PCCB: variants seen among roughly 807,000 people sequenced by gnomAD.
PCCB encodes the protein propionyl-CoA carboxylase subunit beta, also known as propionyl-CoA carboxylase beta chain, mitochondrial.
PCCB carries 43 observed loss-of-function variants against 60.7 expected under a neutral mutation model. The observed-to-expected ratio is 0.71, with a 90% CI of 0.55 to 0.91. The LOEUF (loss-of-function observed/expected upper bound fraction) is 0.91, where lower values mean the gene tolerates loss of function less well. Ranked by LOEUF, PCCB falls within the 40% of genes least tolerant of loss-of-function variation. PCCB has a pLI of 0.00. For missense variants in PCCB, 766 were observed against 702.8 expected (o/e 1.09, Z -1.02); for synonymous variants, 276 against 255.9 (o/e 1.08, Z -0.75).
intron 10 of PCCB, among the ~76,000 whole-genome samples, chr3:136,322,118 A>C (rs1254267559): frequency 3.9e-5 from 6 of 152,214 alleles, no homozygotes; most frequent in Non-Finnish European, 2.9e-5. Context: ...GATGTTCTTT[A>C]TAAAGTTGAA....
intron 5 of PCCB, among the ~76,000 whole-genome samples, 188 bp downstream of exon 5, chr3:136,262,253 G>C (rs1401576901): frequency 1.3e-5 from 2 of 152,096 alleles, no homozygotes; most frequent in Non-Finnish European, 2.9e-5. Flanking sequence ...GGAAGAGAGG[G>C]TTTTCATTTT....
chr3:136,273,597 CTTTTTTTTTTTTTTT>C, intron 5 of PCCB, among the ~76,000 whole-genome samples: 1 of 45,222 alleles, frequency 2.2e-5, no homozygotes, highest in African/African-American at 8.9e-5. Context: ...TTTCTTTTTT[CTTTTTTTTTTTTTTT>C]TTTTTTTACT....
chr3:136,324,367 G>C (rs1193088342), intron 10 of PCCB, among the ~76,000 whole-genome samples: 1 of 152,162 alleles, frequency 6.6e-6, no homozygotes, highest in Non-Finnish European at 1.5e-5. Flanking sequence ...CTCCTTTGAT[G>C]CTTAGCCAAA....
chr3:136,268,087 G>GAGATATATAT (rs1553775716), intron 5 of PCCB, among the ~76,000 whole-genome samples: 2 of 93,798 alleles, frequency 2.1e-5, no homozygotes, highest in African/African-American at 9.2e-5. Context: ...TGTGTGTGTA[G>GAGATATATAT]ATATATATAT....
intron 14 of PCCB, among the ~76,000 whole-genome samples, chr3:136,329,224 T>TG (rs1935447245): frequency 6.6e-6 from 1 of 152,250 alleles, no homozygotes; most frequent in Non-Finnish European, 1.5e-5. Context: ...GTTCTTGTGC[T>TG]GGTCTTGCCT....
chr3:136,265,046 T>C (rs1285489666), intron 5 of PCCB, among the ~76,000 whole-genome samples: 2 of 151,296 alleles, frequency 1.3e-5, no homozygotes, highest in African/African-American at 2.4e-5. Flanking sequence ...ATACAAAAAT[T>C]AGGCGGGCGT....
rs756533167 is a variant in PCCB, at chr3:136,293,750, T to C, written c.655-6T>C. 4 of 1,586,024 alleles carry C rather than the reference T, an allele frequency of 2.5e-6. No individual in the cohort carries two copies. In the South Asian group the frequency reaches 4.4e-5, roughly 18 times the overall value. On this transcript the variant is annotated splice_polypyrimidine_tract_variant and splice_region_variant and intron_variant, in intron 6 of 14. Coordinates refer to ENST00000251654, the MANE Select transcript of PCCB (RefSeq NM_000532.5). ...GGTTGACTGTTCTGGAAATCTTTTATTTCAGGACACCTCCTACCTGTTCAT... is the reference window on the plus strand; with the variant it reads ...GGTTGACTGTTCTGGAAATCTTTTACTTCAGGACACCTCCTACCTGTTCAT...
chr3:136,317,595 C>G (rs1934954538), intron 10 of PCCB, among the ~76,000 whole-genome samples: 1 of 152,100 alleles, frequency 6.6e-6, no homozygotes, highest in Non-Finnish European at 1.5e-5. Context: ...TTATAGGAAA[C>G]TTACATTCTT....
intron 7 of PCCB, among the ~76,000 whole-genome samples, chr3:136,294,769 C>G (rs916875254): frequency 6.6e-6 from 1 of 151,878 alleles, no homozygotes; most frequent in Non-Finnish European, 1.5e-5. Flanking sequence ...CACATCATAC[C>G]CAGGTAATTT....
chr3:136,264,896 G>T (rs1301778934), intron 5 of PCCB, among the ~76,000 whole-genome samples: 2 of 93,816 alleles, frequency 2.1e-5, no homozygotes, highest in African/African-American at 3.2e-5. Context: ...AAAAAAAAAA[G>T]AGCTTAATGC....
intron 1 of PCCB, chr3:136,251,429 A>G: frequency 2.4e-6 from 1 of 418,584 alleles, no homozygotes. Context: ...TTCAGGCACA[A>G]CTCACAACCA....
intron 6 of PCCB, among the ~76,000 whole-genome samples, chr3:136,286,247 A>C (rs1476461152): frequency 6.6e-6 from 1 of 152,240 alleles, no homozygotes; most frequent in African/African-American, 2.4e-5. Context: ...TGATTGCTGC[A>C]TCACTAAATC....
intron 2 of PCCB, 68 bp downstream of exon 2, chr3:136,256,043 TAATA>T: frequency 6.2e-7 from 1 of 1,609,562 alleles, no homozygotes; most frequent in Non-Finnish European, 8.5e-7. Flanking sequence ...ACTAGAATAA[TAATA>T]AATCTATAAG....
chr3:136,299,541 T>A (rs1386453865), intron 8 of PCCB, among the ~76,000 whole-genome samples: 1 of 128,670 alleles, frequency 7.8e-6, no homozygotes, highest in African/African-American at 3.4e-5. Context: ...TATGCATGTG[T>A]ATAGGTATGC....
intron 1 of PCCB, among the ~76,000 whole-genome samples, chr3:136,254,474 C>A (rs1261081290): frequency 1.3e-5 from 2 of 148,596 alleles, no homozygotes; most frequent in Non-Finnish European, 3.0e-5. Flanking sequence ...CCTGCCTTGG[C>A]CTCCCAAAGT....
At chr3:136,326,258 A>C in intron 10 of PCCB, 2 of 689,070 alleles carry the variant, frequency 2.9e-6, no homozygotes, top group Non-Finnish European at 5.3e-6. Flanking sequence ...TCATAGAATT[A>C]AGTTGGAAAC....
chr3:136,293,473 A>T (rs1933792211), intron 6 of PCCB, among the ~76,000 whole-genome samples: 1 of 152,222 alleles, frequency 6.6e-6, no homozygotes, highest in Non-Finnish European at 1.5e-5. Context: ...TCTGAGTAAG[A>T]GCCACCTGTT....
chr3:136,299,736 G>A (rs1350327444), intron 8 of PCCB, among the ~76,000 whole-genome samples: 6 of 146,704 alleles, frequency 4.1e-5, no homozygotes, highest in Non-Finnish European at 7.5e-5. Context: ...ATATGCATGT[G>A]TATGTATAGG....
At chr3:136,327,278 C>T (rs764954105) in intron 12 of PCCB, 23 bp downstream of exon 12, 93 of 1,567,346 alleles carry the variant, frequency 5.9e-5, no homozygotes, top group Non-Finnish European at 7.5e-5. Flanking sequence ...TGTTGGAGGC[C>T]ATGACCCTGC....
Sources: allele counts gnomAD v4.1 joint callset (sites outside exome capture counted in the v4.1 genomes callset), GRCh38; gene constraint gnomAD v4.1.1; transcripts MANE v1.5; gene names NCBI Gene and HGNC (gene_info 2026-07-23, HGNC 2026-07-21).